FBXL17: variants seen among roughly 807,000 people sequenced by gnomAD.
The protein encoded by FBXL17 is F-box and leucine rich repeat protein 17.
In FBXL17, 22 loss-of-function variants were observed where a neutral mutation model predicts 66.2. The observed-to-expected ratio is 0.33, with a 90% CI of 0.24 to 0.47. The LOEUF (loss-of-function observed/expected upper bound fraction) is 0.47, where lower values mean the gene tolerates loss of function less well. FBXL17 is among the 20% of genes least tolerant of loss of function. The probability of loss-of-function intolerance (pLI) is 1.00; values close to 1 mark genes in which losing one functional copy is unlikely to be tolerated. For missense variants in FBXL17, 878 were observed against 948.2 expected (o/e 0.93, Z 0.97); for synonymous variants, 474 against 400.5 (o/e 1.18, Z -2.19).
At chr5:107,875,077 GTTTTC>G (rs1748576749) in intron 8 of FBXL17, among the ~76,000 whole-genome samples, 1 of 148,938 alleles carries the variant, frequency 6.7e-6, no homozygotes, top group Admixed American at 6.7e-5. Flanking sequence ...TGGATAGAAT[GTTTTC>G]TTTTCTTTCT....
chr5:108,116,178 G>C (rs955694508), intron 6 of FBXL17, among the ~76,000 whole-genome samples: 2 of 152,152 alleles, frequency 1.3e-5, no homozygotes, highest in Admixed American at 1.3e-4. Context: ...AAGGAGCATA[G>C]TAAGGGTTTC....
intron 6 of FBXL17, among the ~76,000 whole-genome samples, chr5:108,044,490 T>A (rs1747173469): frequency 6.6e-6 from 1 of 152,168 alleles, no homozygotes; most frequent in Non-Finnish European, 1.5e-5. Context: ...ATCCCGGGAA[T>A]AAATTCCAGT....
chr5:108,182,048 T>A, intron 6 of FBXL17, among the ~76,000 whole-genome samples: 1 of 152,076 alleles, frequency 6.6e-6, no homozygotes, highest in African/African-American at 2.4e-5. Flanking sequence ...ATTACCTGAG[T>A]AATAAAGGTT....
intron 6 of FBXL17, among the ~76,000 whole-genome samples, chr5:108,098,500 C>G (rs1346018179): frequency 6.6e-6 from 1 of 152,078 alleles, no homozygotes. Flanking sequence ...AATCCCAGCA[C>G]TTTGGGAGGC....
chr5:108,142,619 A>G (rs760552360), intron 6 of FBXL17, among the ~76,000 whole-genome samples: 17 of 152,234 alleles, frequency 1.1e-4, no homozygotes, highest in Non-Finnish European at 2.5e-4. Flanking sequence ...AATACTTATC[A>G]TTGCATTTGA....
intron 6 of FBXL17, among the ~76,000 whole-genome samples, chr5:108,125,178 A>C (rs968960820): frequency 2.0e-5 from 3 of 152,070 alleles, no homozygotes; most frequent in Non-Finnish European, 4.4e-5. Flanking sequence ...TATAAAAATA[A>C]AATGTAATGC....
chr5:108,186,798 A>G (rs1753256278), intron 5 of FBXL17, among the ~76,000 whole-genome samples: 1 of 151,716 alleles, frequency 6.6e-6, no homozygotes, highest in African/African-American at 2.4e-5. Flanking sequence ...AAGAAAGTAG[A>G]TTTTACTTAA....
chr5:108,052,744 T>C (rs1747533070), intron 6 of FBXL17, among the ~76,000 whole-genome samples: 1 of 152,094 alleles, frequency 6.6e-6, no homozygotes, highest in Non-Finnish European at 1.5e-5. Flanking sequence ...GCCAAGACAA[T>C]CCTAAGCAAA....
intron 6 of FBXL17, among the ~76,000 whole-genome samples, chr5:108,086,609 A>G (rs1320839468): frequency 1.3e-5 from 2 of 152,176 alleles, no homozygotes; most frequent in Middle Eastern, 3.4e-3. Context: ...CCCAGGCTGG[A>G]GTGCAGTGGC....
At chr5:108,218,793 A>G (rs1024653066) in intron 5 of FBXL17, among the ~76,000 whole-genome samples, 3 of 152,090 alleles carry the variant, frequency 2.0e-5, no homozygotes, top group Non-Finnish European at 4.4e-5. Flanking sequence ...TTTTCTTACT[A>G]TTGAGTCGAG....
chr5:108,326,895 C>G (rs754070505), intron 4 of FBXL17, among the ~76,000 whole-genome samples: 2 of 152,092 alleles, frequency 1.3e-5, no homozygotes, highest in Admixed American at 6.6e-5. Context: ...GCACAACCAC[C>G]TGCAAAACTC....
rs182931081 is a variant in FBXL17, at chr5:107,896,518, T to C, written c.1823-15339A>G. 1.6e-3 allele frequency among the ~76,000 whole-genome samples: 243 copies of C among 152,246 alleles called. 1 individual carries two copies. Among genetic ancestry groups the C allele is most frequent in the Non-Finnish European group, 2.8e-3 (188 of 68,014 alleles). ...TACTCATCTCCACCTGAGCAGTACA[T>C]CTCTCAGTAAATTGCACATCATAGT... On this transcript the variant is annotated intron_variant, in intron 7 of 8. Coordinates refer to ENST00000542267, the MANE Select transcript of FBXL17 (RefSeq NM_001163315.3).
intron 7 of FBXL17, among the ~76,000 whole-genome samples, chr5:107,941,282 C>G (rs1381212510): frequency 6.6e-6 from 1 of 152,162 alleles, no homozygotes; most frequent in Non-Finnish European, 1.5e-5. Context: ...AAATCAACCA[C>G]TCATCTTAAA....
At chr5:108,023,363 GAC>G (rs1284568916) in intron 6 of FBXL17, among the ~76,000 whole-genome samples, 2 of 152,106 alleles carry the variant, frequency 1.3e-5, no homozygotes, top group Admixed American at 6.6e-5. Context: ...TATATACTGA[GAC>G]ACAAAATTGA....
At chr5:108,264,010 T>A (rs1756942624) in intron 4 of FBXL17, among the ~76,000 whole-genome samples, 2 of 151,854 alleles carry the variant, frequency 1.3e-5, no homozygotes, top group Admixed American at 1.3e-4. Flanking sequence ...GGTCAGGAGT[T>A]CGAGACCAAC....
intron 1 of FBXL17, among the ~76,000 whole-genome samples, chr5:108,371,944 A>G (rs1444346085): frequency 1.3e-5 from 2 of 152,108 alleles, no homozygotes; most frequent in Non-Finnish European, 2.9e-5. Context: ...ATTTTTACAC[A>G]TCCCATCATG....
At chr5:108,107,884 T>C (rs1330686739) in intron 6 of FBXL17, among the ~76,000 whole-genome samples, 1 of 151,500 alleles carries the variant, frequency 6.6e-6, no homozygotes, top group Non-Finnish European at 1.5e-5. Context: ...AATCTTCCAA[T>C]GGCTTTCCAT....
chr5:108,071,102 G>GTA (rs1297975617), intron 6 of FBXL17, among the ~76,000 whole-genome samples: 6 of 152,230 alleles, frequency 3.9e-5, no homozygotes, highest in African/African-American at 1.4e-4. Flanking sequence ...TGTGACAACA[G>GTA]TATATGTTCA....
At chr5:108,228,047 C>T (rs1305291047) in intron 4 of FBXL17, among the ~76,000 whole-genome samples, 1 of 152,106 alleles carries the variant, frequency 6.6e-6, no homozygotes, top group Non-Finnish European at 1.5e-5. Flanking sequence ...GTCCAAGAGG[C>T]CAGAGCATTC....
Sources: allele counts gnomAD v4.1 joint callset (sites outside exome capture counted in the v4.1 genomes callset), GRCh38; gene constraint gnomAD v4.1.1; transcripts MANE v1.5; gene names NCBI Gene and HGNC (gene_info 2026-07-23, HGNC 2026-07-21).